Variants in PDGFC observed in about 807,000 individuals in gnomAD.
PDGFC encodes the protein platelet-derived growth factor C.
PDGFC carries 12 observed loss-of-function variants against 35.5 expected under a neutral mutation model. That is an observed-to-expected ratio of 0.34 (90% confidence interval 0.22 to 0.55). PDGFC has a LOEUF of 0.55. Among genes scored for constraint, PDGFC ranks in the 20% least tolerant of loss-of-function variants. The pLI is 0.91. For synonymous variants in PDGFC, 159 were observed against 148.8 expected (o/e 1.07, Z -0.50); for missense variants, 322 against 412.4 (o/e 0.78, Z 1.90).
intron 1 of PDGFC, among the ~76,000 whole-genome samples, chr4:156,931,976 C>T (rs950742447): frequency 6.6e-6 from 1 of 151,932 alleles, no homozygotes; most frequent in East Asian, 1.9e-4. Context: ...AATACTAACC[C>T]TGACATTTAT....
chr4:156,877,340 A>G (rs1730139069), intron 1 of PDGFC, among the ~76,000 whole-genome samples: 1 of 152,170 alleles, frequency 6.6e-6, no homozygotes, highest in African/African-American at 2.4e-5. Context: ...TAAATACACA[A>G]GTAGTTTCAT....
At position 156,941,318 on chromosome 4, in the gene PDGFC, T is replaced by C. The variant is rs545119468; in HGVS notation, c.118+29468A>G. Among the ~76,000 whole-genome samples, 6 of 152,260 alleles carry C rather than the reference T, an allele frequency of 3.9e-5. No individual in the cohort carries two copies. The East Asian group carries it at 1.2e-3, about 29-fold the overall frequency. On this transcript the variant is annotated intron_variant, in intron 1 of 5. Coordinates refer to ENST00000502773, the MANE Select transcript of PDGFC (RefSeq NM_016205.3). ...TTTTCCCATGCAATTAAGCAATTTA[T>C]AGAAAATGATTGAAAATGAAATATC...
At position 156,970,697 on chromosome 4, in the gene PDGFC, G is replaced by A. The variant is rs534798464; in HGVS notation, c.118+89C>T. ...ATGAGAGACCAAAGATACCTTCACA[G>A]TCTGGTATATATCACATACCAACGC... On this transcript the variant is annotated intron_variant, in intron 1 of 5. Transcript: ENST00000502773. 3.8e-6 allele frequency: 3 copies of A among 793,948 alleles called. No homozygotes were observed. The African/African-American group carries it at 5.0e-5, about 13-fold the overall frequency. The allele number at this position is 793,948 out of a possible 1,614,324, so 49.2% of individuals were successfully genotyped here.
At chr4:156,927,349 A>C (rs1047985523) in intron 1 of PDGFC, among the ~76,000 whole-genome samples, 1 of 152,200 alleles carries the variant, frequency 6.6e-6, no homozygotes, top group Admixed American at 6.5e-5. Flanking sequence ...AAATTTCTGT[A>C]GTCAGCTTGA....
chr4:156,920,649 ACACACAC>A (rs1731252937), intron 1 of PDGFC, among the ~76,000 whole-genome samples: 4 of 98,810 alleles, frequency 4.0e-5, no homozygotes, highest in Non-Finnish European at 9.6e-5. Flanking sequence ...AAGAAAACAC[ACACACAC>A]ACACACACAC....
chr4:156,884,071 A>G (rs918897453), intron 1 of PDGFC, among the ~76,000 whole-genome samples: 4 of 152,190 alleles, frequency 2.6e-5, no homozygotes, highest in African/African-American at 9.7e-5. Context: ...TGGATCCTCA[A>G]GGAACGCATG....
intron 1 of PDGFC, among the ~76,000 whole-genome samples, chr4:156,866,804 G>A (rs908735394): frequency 6.6e-6 from 1 of 151,546 alleles, no homozygotes; most frequent in African/African-American, 2.4e-5. Flanking sequence ...AGTTTTTCTT[G>A]ACAATAGTAT....
intron 3 of PDGFC, among the ~76,000 whole-genome samples, chr4:156,784,587 TAAGA>T (rs760744782): frequency 6.6e-6 from 1 of 151,514 alleles, no homozygotes; most frequent in Non-Finnish European, 1.5e-5. Flanking sequence ...GAGAAAAAAA[TAAGA>T]AAGAATCATA....
intron 2 of PDGFC, among the ~76,000 whole-genome samples, chr4:156,849,975 T>G (rs1188734720): frequency 6.6e-6 from 1 of 152,080 alleles, no homozygotes; most frequent in Non-Finnish European, 1.5e-5. Flanking sequence ...GTATGCTTTT[T>G]TACCATAAAT....
intron 1 of PDGFC, among the ~76,000 whole-genome samples, chr4:156,889,099 C>T (rs1197390071): frequency 6.6e-6 from 1 of 152,180 alleles, no homozygotes; most frequent in African/African-American, 2.4e-5. Context: ...ACAAATCTCT[C>T]ATTTTTCACT....
intron 5 of PDGFC, among the ~76,000 whole-genome samples, chr4:156,763,456 A>G (rs1390107084): frequency 6.6e-6 from 1 of 151,962 alleles, no homozygotes; most frequent in Non-Finnish European, 1.5e-5. Context: ...AATAAGGAAC[A>G]GTACTTAAAT....
At chr4:156,796,357 A>G in intron 3 of PDGFC, among the ~76,000 whole-genome samples, 1 of 152,038 alleles carries the variant, frequency 6.6e-6, no homozygotes, top group Non-Finnish European at 1.5e-5. Flanking sequence ...TTATTTATTC[A>G]TAATTTCCTA....
At chr4:156,861,881 T>C (rs561857889) in intron 1 of PDGFC, among the ~76,000 whole-genome samples, 1 of 152,240 alleles carries the variant, frequency 6.6e-6, no homozygotes, top group African/African-American at 2.4e-5. Context: ...CTTTTAATGC[T>C]TTTAGTAACC....
chr4:156,963,981 CAAA>C (rs199841240), intron 1 of PDGFC, among the ~76,000 whole-genome samples: 3 of 78,430 alleles, frequency 3.8e-5, no homozygotes, highest in Non-Finnish European at 2.8e-5. Flanking sequence ...CGGTCTTGAC[CAAA>C]AAAAAAAAAA....
At chr4:156,779,200 AC>A (rs1267539807) in intron 3 of PDGFC, 1 of 456,040 alleles carries the variant, frequency 2.2e-6, no homozygotes, top group Non-Finnish European at 4.4e-6. Context: ...TCATTTAAAC[AC>A]GCTTCTTTGC....
At chr4:156,851,369 C>T (rs1479336242) in intron 1 of PDGFC, among the ~76,000 whole-genome samples, 2 of 152,138 alleles carry the variant, frequency 1.3e-5, no homozygotes, top group Non-Finnish European at 2.9e-5. Flanking sequence ...GAGTATAGTA[C>T]AAAATGGCTT....
At chr4:156,939,753 C>G (rs1441202039) in intron 1 of PDGFC, among the ~76,000 whole-genome samples, 1 of 152,072 alleles carries the variant, frequency 6.6e-6, no homozygotes. Context: ...CTGATCATTC[C>G]TCTACAAGCC....
At position 156,814,855 on chromosome 4, in the gene PDGFC, T is replaced by G. The variant is rs1165073484; in HGVS notation, c.315-3838A>C. ...TAACTTTTGCCTTCTCTGATTTATG[T>G]CGATACAAAATCCACTGTCCTGTAA... On this transcript the variant is annotated intron_variant, in intron 2 of 5. Transcript: ENST00000502773. Among the ~76,000 whole-genome samples, 5 of 152,174 alleles carry G rather than the reference T, an allele frequency of 3.3e-5. 1 individual carries two copies. The highest frequency in any genetic ancestry group is 1.5e-5 in the Non-Finnish European group (1 of 68,018).
chr4:156,783,414 G>T (rs1579005714), intron 3 of PDGFC, among the ~76,000 whole-genome samples: 1 of 152,060 alleles, frequency 6.6e-6, no homozygotes, highest in Admixed American at 6.5e-5. Flanking sequence ...GGGAGAAGGG[G>T]GTGTGCAGAC....
Sources: gnomAD v4.1 joint callset for allele counts (sites outside exome capture counted in the v4.1 genomes callset) on GRCh38, gnomAD v4.1.1 for gene constraint, MANE v1.5 for transcripts, NCBI Gene and HGNC (gene_info 2026-07-23, HGNC 2026-07-21) for gene names.